The following NALF1 variants were observed in gnomAD, a reference collection of about 807,000 sequenced individuals.
NALF1 encodes the protein family with sequence similarity 155 member A.
Under a neutral mutation model 48.4 loss-of-function variants are expected in NALF1, and 3 were observed. The observed-to-expected ratio is 0.06, with a 90% CI of 0.03 to 0.16. The LOEUF is 0.16. NALF1 is among the 10% of genes least tolerant of loss of function. The probability of loss-of-function intolerance (pLI) is 1.00; values close to 1 mark genes in which losing one functional copy is unlikely to be tolerated. For missense variants in NALF1, 526 were observed against 571.5 expected (o/e 0.92, Z 0.81); for synonymous variants, 262 against 245.7 (o/e 1.07, Z -0.62).
At chr13:107,185,514 C>G (rs1879153874) in intron 2 of NALF1, among the ~76,000 whole-genome samples, 1 of 151,762 alleles carries the variant, frequency 6.6e-6, no homozygotes, top group Non-Finnish European at 1.5e-5. Flanking sequence ...TTCTCTTCCT[C>G]TGAGTTTCTG....
At chr13:107,203,158 A>G (rs896740046) in intron 2 of NALF1, among the ~76,000 whole-genome samples, 1 of 152,214 alleles carries the variant, frequency 6.6e-6, no homozygotes, top group African/African-American at 2.4e-5. Flanking sequence ...AAATACTCTC[A>G]TTGAATAAGA....
intron 1 of NALF1, among the ~76,000 whole-genome samples, chr13:107,320,218 C>T (rs981115987): frequency 6.6e-6 from 1 of 151,950 alleles, no homozygotes; most frequent in Admixed American, 6.6e-5. Context: ...GAAAATATGG[C>T]CATTTTCATC....
chr13:107,383,549 T>C (rs1490122329), intron 1 of NALF1, among the ~76,000 whole-genome samples: 3 of 152,200 alleles, frequency 2.0e-5, no homozygotes, highest in African/African-American at 7.2e-5. Context: ...CCACTGAAGT[T>C]CATTATTCTT....
intron 1 of NALF1, among the ~76,000 whole-genome samples, chr13:107,695,701 T>C (rs1042990605): frequency 2.0e-5 from 3 of 152,304 alleles, no homozygotes; most frequent in Non-Finnish European, 4.4e-5. Context: ...CTCTCTATTA[T>C]AGCACGTATC....
chr13:107,633,017 T>C (rs1380478175), intron 1 of NALF1, among the ~76,000 whole-genome samples: 2 of 152,102 alleles, frequency 1.3e-5, no homozygotes, highest in African/African-American at 4.8e-5. Context: ...TAAGACATGA[T>C]GCATTTTTAG....
intron 1 of NALF1, among the ~76,000 whole-genome samples, chr13:107,578,139 A>T (rs1878205942): frequency 6.6e-6 from 1 of 152,098 alleles, no homozygotes; most frequent in Admixed American, 6.6e-5. Context: ...GGAACTTAAC[A>T]TTTGAATCTC....
chr13:107,309,153 G>GT (rs5806645), intron 1 of NALF1, among the ~76,000 whole-genome samples: 121,730 of 152,126 alleles, frequency 0.8, 49,093 homozygotes, highest in Non-Finnish European at 0.86. Context: ...TTTTCTAACT[G>GT]TTGAAACCTT....
At chr13:107,291,444 C>T (rs1881618178) in intron 1 of NALF1, among the ~76,000 whole-genome samples, 1 of 151,264 alleles carries the variant, frequency 6.6e-6, no homozygotes, top group Non-Finnish European at 1.5e-5. Flanking sequence ...TTTAGCATCC[C>T]CAAGGGGAAA....
intron 1 of NALF1, among the ~76,000 whole-genome samples, chr13:107,351,874 C>A (rs1307410156): frequency 6.6e-6 from 1 of 152,194 alleles, no homozygotes; most frequent in East Asian, 1.9e-4. Context: ...GCCATCCTGA[C>A]ACACTGGGAA....
chr13:107,204,505 A>G (rs556775783), intron 2 of NALF1, among the ~76,000 whole-genome samples: 1 of 152,312 alleles, frequency 6.6e-6, no homozygotes, highest in Non-Finnish European at 1.5e-5. Flanking sequence ...TATTCCCTAC[A>G]TACATTCTCT....
chr13:107,191,687 A>C (rs1879284302), intron 2 of NALF1, among the ~76,000 whole-genome samples: 1 of 142,044 alleles, frequency 7.0e-6, no homozygotes, highest in Admixed American at 7.0e-5. Context: ...TTTTTTTTTG[A>C]GATGCAGTCT....
chr13:107,525,317 T>A (rs1177347826), intron 1 of NALF1, among the ~76,000 whole-genome samples: 1 of 152,124 alleles, frequency 6.6e-6, no homozygotes, highest in Non-Finnish European at 1.5e-5. Context: ...TCTGTTCTCA[T>A]CTTCATAGTT....
rs150691049 is a variant in NALF1, at chr13:107,679,613, G to A, written c.915+186069C>T. ...GCACCTTCCTCAGGACCTCCTCAGC[G>A]CCCCCCACGGGGTCAGGGAGGTGTC... On this transcript the variant is annotated intron_variant, in intron 1 of 2. Transcript: ENST00000375915. Among the ~76,000 whole-genome samples, 561 of 152,268 alleles carry A rather than the reference G, an allele frequency of 3.7e-3. 2 individuals carry two copies. The highest frequency in any genetic ancestry group is 7.1e-3 in the African/African-American group (297 of 41,552).
intron 1 of NALF1, among the ~76,000 whole-genome samples, chr13:107,571,893 T>G (rs2138402311): frequency 6.6e-6 from 1 of 152,196 alleles, no homozygotes; most frequent in East Asian, 1.9e-4. Flanking sequence ...AGTAGAAGAG[T>G]AGTTTTTTCT....
At chr13:107,612,194 G>A (rs1317818967) in intron 1 of NALF1, among the ~76,000 whole-genome samples, 1 of 150,310 alleles carries the variant, frequency 6.7e-6, no homozygotes, top group Non-Finnish European at 1.5e-5. Flanking sequence ...AAACAATAAT[G>A]CATGATTCCA....
chr13:107,286,196 T>G (rs1881489989), intron 1 of NALF1, among the ~76,000 whole-genome samples: 1 of 152,148 alleles, frequency 6.6e-6, no homozygotes, highest in Admixed American at 6.5e-5. Context: ...TAAAGAAGTT[T>G]GAAAATTCCT....
At chr13:107,699,561 G>A (rs1464534788) in intron 1 of NALF1, among the ~76,000 whole-genome samples, 2 of 152,010 alleles carry the variant, frequency 1.3e-5, no homozygotes, top group Non-Finnish European at 1.5e-5. Flanking sequence ...GGGTATGAGG[G>A]ACAGAAAAAC....
chr13:107,234,507 C>G (rs528340182), intron 1 of NALF1, among the ~76,000 whole-genome samples: 1 of 152,102 alleles, frequency 6.6e-6, no homozygotes, highest in Admixed American at 6.5e-5. Flanking sequence ...CAGCCAGCCC[C>G]GGCAGGGCTG....
chr13:107,291,805 T>C (rs1881626678), intron 1 of NALF1, among the ~76,000 whole-genome samples: 1 of 152,248 alleles, frequency 6.6e-6, no homozygotes. Context: ...GAAAACATTT[T>C]TAAAATGAAA....
Sources: allele counts gnomAD v4.1 joint callset (sites outside exome capture counted in the v4.1 genomes callset), GRCh38; gene constraint gnomAD v4.1.1; transcripts MANE v1.5; gene names NCBI Gene and HGNC (gene_info 2026-07-23, HGNC 2026-07-21).